The following CES1 variants were observed in gnomAD, a reference collection of about 807,000 sequenced individuals.
CES1 encodes carboxylesterase 1.
In CES1, 50 loss-of-function variants were observed where a neutral mutation model predicts 53.0. The ratio of observed to expected loss-of-function variants is 0.94; its 90% CI spans 0.75 to 1.19. The LOEUF (loss-of-function observed/expected upper bound fraction) is 1.19. Among genes scored for constraint, CES1 ranks in the 50% most tolerant of loss-of-function variants. The pLI, the probability that CES1 is intolerant of heterozygous loss-of-function variation, is 0.00. For missense variants in CES1, 534 were observed against 538.0 expected, an observed-to-expected ratio of 0.99 and a Z score of 0.07; for synonymous variants, 202 against 210.1, an observed-to-expected ratio of 0.96 and a Z score of 0.33.
At chr16:55,821,310 G>C in intron 5 of CES1, 58 bp downstream of exon 5, 7 of 1,604,866 alleles carry the variant, frequency 4.4e-6, no homozygotes, top group Non-Finnish European at 6.0e-6. Flanking sequence ...AGGTGTCCAA[G>C]AGGTCTCATC....
rs764884520 is a variant in CES1, at chr16:55,821,512, A to G, written c.549T>C (p.Asp183=). The G allele has an allele frequency of 6.2e-7, 1 of 1,614,072 alleles. No individual in the cohort carries two copies. Residue 183 remains aspartate, a synonymous_variant, in exon 5 of 14, where the codon GAT becomes GAC. Transcript: ENST00000360526. ...GACCCCAGTTCCCCCGGCTGTGTTC[A>G]TCCCCTGTGCTGTGAGGAAGAGAAC... ...LGIWGFFSTG[D]EHSRGNWGHL... is the part of the protein sequence containing the mutation.
chr16:55,827,288 A>ATAATAATAATAG (rs1389476873), intron 2 of CES1, among the ~76,000 whole-genome samples: 4 of 149,522 alleles, frequency 2.7e-5, no homozygotes, highest in Admixed American at 6.7e-5. Flanking sequence ...AATAATAATA[A>ATAATAATAATAG]TAATAATAAT....
At chr16:55,831,353 C>T (rs1412005112) in intron 1 of CES1, among the ~76,000 whole-genome samples, 2 of 151,372 alleles carry the variant, frequency 1.3e-5, no homozygotes, top group Non-Finnish European at 2.9e-5. Context: ...TCATGCTCAG[C>T]TCAGGGATTC....
rs538075436 is a variant in CES1 at position 55,825,281 on chromosome 16, G to A, written c.405+870C>T. On this transcript the variant is annotated intron_variant, in intron 3 of 13. Coordinates refer to ENST00000360526, the MANE Select transcript of CES1 (RefSeq NM_001025195.2). ...AGGACCAACTTCTAGTTCCACGTTC[G>A]CAGACCTGCTCCCCCACTCCTAGGC... Among the ~76,000 whole-genome samples the A allele has an allele frequency of 1.1e-4, 17 of 152,296 alleles. No homozygotes were observed. In the South Asian group the frequency reaches 2.7e-3, roughly 24 times the overall value.
At chr16:55,822,195 GT>G (rs1214417312) in intron 4 of CES1, among the ~76,000 whole-genome samples, 5 of 152,246 alleles carry the variant, frequency 3.3e-5, no homozygotes, top group Non-Finnish European at 7.3e-5. Flanking sequence ...CCCCTGCAGG[GT>G]TTTGTGCAGA....
intron 9 of CES1, among the ~76,000 whole-genome samples, chr16:55,811,713 T>G (rs1332795046): frequency 6.6e-6 from 1 of 152,176 alleles, no homozygotes; most frequent in Admixed American, 6.5e-5. Flanking sequence ...CGAACCCAAC[T>G]AGAGCAGTTA....
intron 2 of CES1, among the ~76,000 whole-genome samples, chr16:55,826,677 C>T (rs1489947818): frequency 1.3e-5 from 2 of 152,166 alleles, no homozygotes; most frequent in Non-Finnish European, 2.9e-5. Context: ...CTCTCCCATG[C>T]ATTTATGGGG....
At chr16:55,829,177 G>A (rs1207041416) in intron 1 of CES1, among the ~76,000 whole-genome samples, 1 of 152,042 alleles carries the variant, frequency 6.6e-6, no homozygotes, top group Non-Finnish European at 1.5e-5. Context: ...AACTAGAATT[G>A]GAGGCATAAA....
Position 55,812,967 on chromosome 16 carries a change from T to C in CES1, c.1022A>G (p.Asn341Ser), listed in dbSNP as rs774696011. ...KTPEELQAER[N>S]FHTVPYMVGI... ...GACCATGTAGGGGACAGTGTGGAAA[T>C]TCCTTTCAGCTTGAAGCTCTTCAGG... Residue 341 changes from asparagine to serine, a missense_variant, in exon 9 of 14, where the codon AAT becomes AGT. This residue lies in a region of CES1 where 269 missense variants were observed against 206.6 expected (regional missense o/e 1.30). Coordinates refer to ENST00000360526, the MANE Select transcript of CES1 (RefSeq NM_001025195.2). 2 of 1,614,084 alleles carry C rather than the reference T, an allele frequency of 1.2e-6. No individual in the cohort carries two copies. Among genetic ancestry groups the C allele is most frequent in the African/African-American group, 2.7e-5 (2 of 75,036 alleles).
intron 2 of CES1, chr16:55,828,123 T>G: frequency 6.3e-6 from 1 of 157,542 alleles, no homozygotes; most frequent in Non-Finnish European, 1.4e-5. Flanking sequence ...ATGAGCAGGG[T>G]CTGCTCTGAT....
At chr16:55,830,310 T>C (rs1226985636) in intron 1 of CES1, among the ~76,000 whole-genome samples, 6 of 152,212 alleles carry the variant, frequency 3.9e-5, no homozygotes, top group Non-Finnish European at 8.8e-5. Context: ...GAGATGAACT[T>C]CCTTGGAAGC....
chr16:55,830,708 A>G, intron 1 of CES1, among the ~76,000 whole-genome samples: 1 of 149,962 alleles, frequency 6.7e-6, no homozygotes. Flanking sequence ...GAGAGAGAGA[A>G]GAAGGAAAGA....
Position 55,830,001 on chromosome 16 carries a change from A to G in CES1, c.53-1027T>C, listed in dbSNP as rs1308039335. ...CACCCCTCAGGTCCTATCTGGCTCC[A>G]GTCACCTCAGTTTCTCTGAGCTTCC... On this transcript the variant is annotated intron_variant, in intron 1 of 13. Coordinates refer to ENST00000360526, the MANE Select transcript of CES1 (RefSeq NM_001025195.2). Among the ~76,000 whole-genome samples, 7 of 152,196 alleles carry G rather than the reference A, an allele frequency of 4.6e-5. No individual in the cohort carries two copies. In the South Asian group the frequency reaches 1.2e-3, roughly 27 times the overall value.
At chr16:55,814,268 T>A (rs1346816538) in intron 8 of CES1, among the ~76,000 whole-genome samples, 1 of 152,240 alleles carries the variant, frequency 6.6e-6, no homozygotes, top group Non-Finnish European at 1.5e-5. Flanking sequence ...TCACCTTTGA[T>A]GAATAATTTT....
chr16:55,820,180 G>A (rs1345170494), intron 6 of CES1, 192 bp downstream of exon 6: 71 of 579,330 alleles, frequency 1.2e-4, no homozygotes, highest in Admixed American at 4.3e-4. Flanking sequence ...GCCCTGTGTC[G>A]GTTTGCCTGG....
At position 55,822,303 on chromosome 16, in the gene CES1, A is replaced by T. The variant is rs4784577; in HGVS notation, c.540-782T>A. On this transcript the variant is annotated intron_variant, in intron 4 of 13. Transcript: ENST00000360526. ...TGGCAGGGATCTGAAAGTGTTAAAG[A>T]TCATAATCAAGGTGACAGACAGAGA... Among the ~76,000 whole-genome samples, 389 of 152,376 alleles carry T rather than the reference A, an allele frequency of 2.6e-3. 5 individuals are homozygous for T. The East Asian group carries it at 0.045, about 18-fold the overall frequency.
chr16:55,825,785 G>T (rs1384402325), intron 3 of CES1, among the ~76,000 whole-genome samples: 1 of 152,208 alleles, frequency 6.6e-6, no homozygotes, highest in Non-Finnish European at 1.5e-5. Flanking sequence ...AAGAGTTGGG[G>T]TGTTGGCTTT....
In CES1 at chr16:55,823,538, C is replaced by A. The variant is rs369519409; in HGVS notation, c.539+12G>T. 1 of 1,610,456 alleles carries A rather than the reference C, an allele frequency of 6.2e-7. No individual in the cohort carries two copies. The highest frequency in any genetic ancestry group is 8.5e-7 in the Non-Finnish European group (1 of 1,178,986). ...GGGGCCAAAGTGCAGTGAGGAGAGT[C>A]CGATTTCTTACCTGAAGAATCCCCA... On this transcript the variant is annotated intron_variant, in intron 4 of 13. Coordinates refer to ENST00000360526, the MANE Select transcript of CES1 (RefSeq NM_001025195.2).
At chr16:55,832,962 A>T (rs1162875883) in intron 1 of CES1, 42 bp downstream of exon 1, 2 of 1,462,204 alleles carry the variant, frequency 1.4e-6, no homozygotes, top group Non-Finnish European at 1.9e-6. Context: ...CAGAACAAGG[A>T]TTTCAAAAAG....
Sources: gnomAD v4.1 joint callset for allele counts (sites outside exome capture counted in the v4.1 genomes callset) on GRCh38, gnomAD v4.1.1 for gene constraint, gnomAD v4.1.1 regional missense constraint, MANE v1.5 for transcripts, NCBI Gene and HGNC (gene_info 2026-07-23, HGNC 2026-07-21) for gene names.